The following ERBB4 variants were observed in gnomAD, a reference collection of about 807,000 sequenced individuals.
The protein encoded by ERBB4 is erb-b2 receptor tyrosine kinase 4, also known as receptor tyrosine-protein kinase erbB-4.
In ERBB4, 42 loss-of-function variants were observed where a neutral mutation model predicts 158.0. The ratio of observed to expected loss-of-function variants is 0.27; its 90% CI spans 0.21 to 0.34. The LOEUF (loss-of-function observed/expected upper bound fraction) is 0.34, where lower values mean the gene tolerates loss of function less well. Ranked by LOEUF, ERBB4 falls within the 10% of genes least tolerant of loss-of-function variation. The pLI is 1.00. For synonymous variants in ERBB4, 583 were observed against 558.7 expected (o/e 1.04, Z -0.61); for missense variants, 1,333 against 1,624.1 (o/e 0.82, Z 3.08).
At chr2:211,977,817 C>A (rs1187349791) in intron 2 of ERBB4, among the ~76,000 whole-genome samples, 6 of 142,500 alleles carry the variant, frequency 4.2e-5, no homozygotes, top group African/African-American at 1.3e-4. Context: ...ACCAGCCATG[C>A]CATTGCACTC....
At chr2:212,084,686 T>C (rs1042361553) in intron 2 of ERBB4, among the ~76,000 whole-genome samples, 1 of 151,978 alleles carries the variant, frequency 6.6e-6, no homozygotes, top group Non-Finnish European at 1.5e-5. Flanking sequence ...CATATTGGTG[T>C]GGTCAAACAT....
chr2:212,163,229 T>A (rs1521654), intron 1 of ERBB4, among the ~76,000 whole-genome samples: 127,089 of 151,956 alleles, frequency 0.84, 54,347 homozygotes, highest in Non-Finnish European at 0.89. Context: ...GTATATATAC[T>A]TTCTAATCTT....
chr2:212,427,988 G>C (rs77523246), intron 1 of ERBB4, among the ~76,000 whole-genome samples: 1 of 152,100 alleles, frequency 6.6e-6, no homozygotes, highest in Non-Finnish European at 1.5e-5. Context: ...CAGAAATACA[G>C]AACTGAGAAA....
intron 20 of ERBB4, among the ~76,000 whole-genome samples, chr2:211,496,495 T>C (rs1470769158): frequency 6.6e-6 from 1 of 151,680 alleles, no homozygotes; most frequent in East Asian, 1.9e-4. Context: ...TACTTGAAAA[T>C]TCTCTTTCTC....
chr2:212,100,356 C>T (rs1002038847), intron 2 of ERBB4, among the ~76,000 whole-genome samples: 2 of 152,154 alleles, frequency 1.3e-5, no homozygotes, highest in African/African-American at 4.8e-5. Context: ...AGATTCTGCT[C>T]TAATATTTGA....
intron 1 of ERBB4, among the ~76,000 whole-genome samples, chr2:212,428,452 A>C (rs2091960607): frequency 6.6e-6 from 1 of 152,136 alleles, no homozygotes; most frequent in Non-Finnish European, 1.5e-5. Context: ...AGATTATATG[A>C]GGAATCTGAA....
chr2:211,795,626 T>C (rs1236377170), intron 3 of ERBB4, among the ~76,000 whole-genome samples: 2 of 151,836 alleles, frequency 1.3e-5, no homozygotes, highest in African/African-American at 2.4e-5. Flanking sequence ...TTCTCTACCA[T>C]CTTCAATACA....
chr2:211,942,800 A>G (rs1445691257), intron 3 of ERBB4, among the ~76,000 whole-genome samples: 1 of 152,152 alleles, frequency 6.6e-6, no homozygotes, highest in Admixed American at 6.5e-5. Flanking sequence ...GTATTTCTGT[A>G]TCATCCCAAA....
intron 2 of ERBB4, among the ~76,000 whole-genome samples, chr2:211,990,689 T>G (rs1444803051): frequency 6.6e-6 from 1 of 151,980 alleles, no homozygotes; most frequent in Non-Finnish European, 1.5e-5. Context: ...ATTTGCTTCT[T>G]GGATGCTCAA....
At chr2:212,490,174 C>T (rs13423636) in intron 1 of ERBB4, among the ~76,000 whole-genome samples, 19,505 of 151,684 alleles carry the variant, frequency 0.13, 1,325 homozygotes, top group Non-Finnish European at 0.15. Flanking sequence ...TAATCATTTT[C>T]TTTGTTCTAT....
intron 1 of ERBB4, among the ~76,000 whole-genome samples, chr2:212,403,118 A>G (rs1309563793): frequency 1.3e-5 from 2 of 152,092 alleles, no homozygotes; most frequent in African/African-American, 2.4e-5. Context: ...ACATTGGTGA[A>G]CTTGGTTTTT....
intron 1 of ERBB4, among the ~76,000 whole-genome samples, chr2:212,172,791 G>C (rs1341283469): frequency 2.6e-5 from 4 of 152,006 alleles, no homozygotes; most frequent in Non-Finnish European, 5.9e-5. Flanking sequence ...GGAGGGTTTT[G>C]GTGGGAAAAG....
At chr2:212,476,873 C>T (rs1689431939) in intron 1 of ERBB4, among the ~76,000 whole-genome samples, 4 of 152,000 alleles carry the variant, frequency 2.6e-5, no homozygotes, top group African/African-American at 9.7e-5. Flanking sequence ...GAAGCAAAAC[C>T]AAAAGACAAT....
At chr2:212,164,533 T>C (rs2081292111) in intron 1 of ERBB4, among the ~76,000 whole-genome samples, 1 of 151,930 alleles carries the variant, frequency 6.6e-6, no homozygotes, top group Non-Finnish European at 1.5e-5. Context: ...TTTGAAATAC[T>C]GTACAAACAA....
At chr2:211,840,365 ATAAAT>A (rs1388373186) in intron 3 of ERBB4, among the ~76,000 whole-genome samples, 1 of 151,832 alleles carries the variant, frequency 6.6e-6, no homozygotes, top group Non-Finnish European at 1.5e-5. Flanking sequence ...TCTTTCCTTT[ATAAAT>A]TACCCAGTCT....
intron 2 of ERBB4, among the ~76,000 whole-genome samples, chr2:212,092,462 A>C (rs182431710): frequency 6.6e-6 from 1 of 152,340 alleles, no homozygotes; most frequent in East Asian, 1.9e-4. Context: ...AGATAGGACA[A>C]GGAGTTGAAA....
intron 19 of ERBB4, among the ~76,000 whole-genome samples, chr2:211,595,405 C>A (rs1429716350): frequency 1.3e-5 from 2 of 151,414 alleles, no homozygotes; most frequent in African/African-American, 4.9e-5. Flanking sequence ...AAAGGGAAGA[C>A]AATAAAAGAA....
intron 3 of ERBB4, among the ~76,000 whole-genome samples, chr2:211,918,563 G>A (rs1038410871): frequency 3.3e-5 from 5 of 152,100 alleles, no homozygotes; most frequent in African/African-American, 1.2e-4. Context: ...TCAGTTGGTA[G>A]GATGTAATAC....
At chr2:211,487,029 G>T (rs1303955153) in intron 20 of ERBB4, among the ~76,000 whole-genome samples, 1 of 150,588 alleles carries the variant, frequency 6.6e-6, no homozygotes, top group East Asian at 2.0e-4. Context: ...TAAGTTTTAG[G>T]GTACATGTGC....
Sources: allele counts gnomAD v4.1 joint callset (sites outside exome capture counted in the v4.1 genomes callset), GRCh38; gene constraint gnomAD v4.1.1; transcripts MANE v1.5; gene names NCBI Gene and HGNC (gene_info 2026-07-23, HGNC 2026-07-21).